PTPRG: variants seen among roughly 807,000 people sequenced by gnomAD.
PTPRG encodes receptor-type tyrosine-protein phosphatase gamma.
A neutral mutation model predicts 165.3 loss-of-function variants in PTPRG; 102 were observed. The observed-to-expected ratio is 0.62, with a 90% confidence interval of 0.53 to 0.73. The LOEUF (loss-of-function observed/expected upper bound fraction) is 0.73, where lower values mean the gene tolerates loss of function less well. PTPRG is among the 30% of genes least tolerant of loss of function. The pLI, the probability that PTPRG is intolerant of heterozygous loss-of-function variation, is 0.00. For missense variants in PTPRG, 1,866 were observed against 1,861.4 expected (o/e 1.00, Z -0.05); for synonymous variants, 675 against 669.5 (o/e 1.01, Z -0.13).
intron 13 of PTPRG, among the ~76,000 whole-genome samples, chr3:62,230,592 CA>C (rs1700879273): frequency 6.6e-6 from 1 of 152,192 alleles, no homozygotes; most frequent in African/African-American, 2.4e-5. Context: ...TCAGATGCTA[CA>C]GTTATTTAAG....
intron 2 of PTPRG, among the ~76,000 whole-genome samples, chr3:61,919,288 A>AG (rs2039020104): frequency 1.3e-5 from 2 of 152,186 alleles, no homozygotes; most frequent in African/African-American, 4.8e-5. Context: ...ACAGTTAAGT[A>AG]GGGGAGTGTT....
intron 1 of PTPRG, among the ~76,000 whole-genome samples, chr3:61,607,300 CCT>C (rs781091858): frequency 6.6e-6 from 1 of 152,166 alleles, no homozygotes; most frequent in Non-Finnish European, 1.5e-5. Context: ...TGGTGTGAAT[CCT>C]CTGTCTCCTT....
intron 2 of PTPRG, among the ~76,000 whole-genome samples, chr3:61,974,604 C>T (rs1007808144): frequency 6.6e-5 from 10 of 152,062 alleles, no homozygotes; most frequent in African/African-American, 1.9e-4. Flanking sequence ...TGTGCCTTTT[C>T]GTGACTGACT....
At chr3:61,756,735 G>A (rs2106947951) in intron 2 of PTPRG, among the ~76,000 whole-genome samples, 2 of 152,218 alleles carry the variant, frequency 1.3e-5, no homozygotes, top group East Asian at 3.9e-4. Context: ...GAAAAGTCTA[G>A]CAGTAAGATG....
intron 1 of PTPRG, among the ~76,000 whole-genome samples, chr3:61,684,288 C>G (rs972044454): frequency 6.6e-6 from 1 of 152,196 alleles, no homozygotes; most frequent in African/African-American, 2.4e-5. Flanking sequence ...GCTGCCAGCT[C>G]CCCTCCAGGC....
chr3:61,761,641 C>T (rs2033838822), intron 2 of PTPRG, among the ~76,000 whole-genome samples: 1 of 152,106 alleles, frequency 6.6e-6, no homozygotes, highest in Non-Finnish European at 1.5e-5. Context: ...CGTGGTATCT[C>T]ACTGTAGTTT....
chr3:62,232,513 C>T (rs1420527961), intron 14 of PTPRG, among the ~76,000 whole-genome samples: 1 of 152,190 alleles, frequency 6.6e-6, no homozygotes, highest in Non-Finnish European at 1.5e-5. Context: ...AACTGTCATA[C>T]CCAGTCCATT....
At chr3:61,696,868 C>G (rs1004843758) in intron 1 of PTPRG, among the ~76,000 whole-genome samples, 10 of 152,180 alleles carry the variant, frequency 6.6e-5, no homozygotes, top group Non-Finnish European at 1.5e-4. Flanking sequence ...TAAATATTGC[C>G]TTCTCCACTG....
At chr3:62,291,287 G>C (rs964342157) in intron 28 of PTPRG, among the ~76,000 whole-genome samples, 1 of 149,028 alleles carries the variant, frequency 6.7e-6, no homozygotes, top group Non-Finnish European at 1.5e-5. Flanking sequence ...ACTTGGGAAA[G>C]AAATATGGCA....
chr3:61,880,906 T>C (rs1449284388), intron 2 of PTPRG, among the ~76,000 whole-genome samples: 2 of 150,410 alleles, frequency 1.3e-5, no homozygotes, highest in Admixed American at 6.6e-5. Flanking sequence ...TCCAATGGGG[T>C]CAGTTTCTAC....
chr3:61,990,588 C>A (rs1271371653), intron 3 of PTPRG, among the ~76,000 whole-genome samples: 1 of 152,184 alleles, frequency 6.6e-6, no homozygotes. Context: ...TTGCTGTGCT[C>A]CACTGTACGA....
intron 1 of PTPRG, among the ~76,000 whole-genome samples, chr3:61,589,773 G>A (rs774066053): frequency 1.3e-5 from 2 of 150,768 alleles, no homozygotes; most frequent in Non-Finnish European, 2.9e-5. Context: ...GAGTGGATGG[G>A]TAGATGGGTG....
chr3:62,264,719 G>T (rs541652466), intron 17 of PTPRG, among the ~76,000 whole-genome samples: 1 of 151,752 alleles, frequency 6.6e-6, no homozygotes, highest in Non-Finnish European at 1.5e-5. Flanking sequence ...TTTCTTTTCC[G>T]CTTCTCAGCT....
intron 2 of PTPRG, among the ~76,000 whole-genome samples, chr3:61,955,991 A>T (rs1256561694): frequency 1.3e-5 from 2 of 152,142 alleles, no homozygotes; most frequent in South Asian, 4.1e-4. Flanking sequence ...AATTTCAGAG[A>T]TAGAATTGCC....
intron 2 of PTPRG, among the ~76,000 whole-genome samples, chr3:61,766,878 C>T (rs182533427): frequency 2.0e-5 from 3 of 152,006 alleles, no homozygotes; most frequent in African/African-American, 7.2e-5. Flanking sequence ...CCTTGGCCTC[C>T]CAAAGTGCTG....
chr3:62,025,849 C>T (rs191698827), intron 4 of PTPRG, among the ~76,000 whole-genome samples: 2 of 152,332 alleles, frequency 1.3e-5, no homozygotes, highest in East Asian at 3.9e-4. Flanking sequence ...CTAGCAGTGG[C>T]TTCCTTACGA....
intron 5 of PTPRG, among the ~76,000 whole-genome samples, chr3:62,111,428 G>A (rs2106859708): frequency 6.6e-6 from 1 of 152,288 alleles, no homozygotes; most frequent in South Asian, 2.1e-4. Context: ...CTCTGATAAA[G>A]ACTGAAGTAA....
chr3:62,073,859 C>A (rs931000276), intron 4 of PTPRG, among the ~76,000 whole-genome samples: 3 of 152,034 alleles, frequency 2.0e-5, no homozygotes, highest in Non-Finnish European at 2.9e-5. Context: ...AGTAACTGTT[C>A]CGGATGAAGA....
intron 2 of PTPRG, among the ~76,000 whole-genome samples, chr3:61,777,757 G>T (rs997173178): frequency 5.3e-5 from 8 of 152,162 alleles, no homozygotes; most frequent in African/African-American, 1.9e-4. Context: ...CAGTGGGGAG[G>T]CCATTTGTGG....
Sources: gnomAD v4.1 joint callset for allele counts (sites outside exome capture counted in the v4.1 genomes callset) on GRCh38, gnomAD v4.1.1 for gene constraint, MANE v1.5 for transcripts, NCBI Gene and HGNC (gene_info 2026-07-23, HGNC 2026-07-21) for gene names.